Variants in SDK1 observed in about 807,000 individuals in gnomAD.
SDK1 encodes protein sidekick-1.
SDK1 carries 157 observed loss-of-function variants against 245.5 expected under a neutral mutation model. That is an observed-to-expected ratio of 0.64 (90% confidence interval 0.56 to 0.73). The LOEUF is 0.73. Ranked by LOEUF, SDK1 falls within the 30% of genes least tolerant of loss-of-function variation. The pLI, the probability that SDK1 is intolerant of heterozygous loss-of-function variation, is 0.00. For synonymous variants in SDK1, 1,647 were observed against 1,278.5 expected (o/e 1.29, Z -6.15); for missense variants, 3,583 against 3,002.3 (o/e 1.19, Z -4.52).
chr7:3,699,759 T>C (rs1784687841), intron 4 of SDK1, among the ~76,000 whole-genome samples: 1 of 152,118 alleles, frequency 6.6e-6, no homozygotes, highest in African/African-American at 2.4e-5. Flanking sequence ...AATATGGCAT[T>C]TTAAAATATG....
chr7:3,610,604 A>G (rs1781556309), intron 1 of SDK1, among the ~76,000 whole-genome samples: 1 of 152,276 alleles, frequency 6.6e-6, no homozygotes, highest in African/African-American at 2.4e-5. Context: ...TAAAACTAGT[A>G]CATAAATATA....
In SDK1 at chr7:4,011,038, C is replaced by G. The variant is rs767615079; in HGVS notation, c.2204C>G (p.Pro735Arg). 6.2e-7 allele frequency: 1 copy of G among 1,614,178 alleles called. No individual in the cohort carries two copies. Among genetic ancestry groups the G allele is most frequent in the East Asian group, 2.2e-5 (1 of 44,878 alleles). ...MTGVTVSGLT[P>R]ARTYQFRVCA... ...GGCGTCACCGTGAGTGGCCTGACTC[C>G]GGCTCGTACCTATCAATTCCGGGTG... is the stretch of plus-strand genomic sequence containing the variant. Residue 735 changes from proline to arginine, a missense_variant, in exon 15 of 45, where the codon CCG becomes CGG. Transcript: ENST00000404826.
Position 4,053,931 on chromosome 7 carries a change from G to GT in SDK1, c.2911+2109dup, listed in dbSNP as rs572690361. Among the ~76,000 whole-genome samples, 10 of 151,606 alleles carry GT rather than the reference G, an allele frequency of 6.6e-5. No individual in the cohort carries two copies. The South Asian group carries it at 1.0e-3, about 16-fold the overall frequency. ...TTTGTTGTTGTTGGTGGTGGTGGTG[G>GT]TTTTTTTTGTTGTTGTTGTTGTTTT... On this transcript the variant is annotated intron_variant, in intron 19 of 44. Coordinates refer to ENST00000404826, the MANE Select transcript of SDK1 (RefSeq NM_152744.4).
At chr7:3,623,068 A>C (rs964599067) in intron 2 of SDK1, among the ~76,000 whole-genome samples, 1 of 152,168 alleles carries the variant, frequency 6.6e-6, no homozygotes, top group East Asian at 1.9e-4. Context: ...TGAAAAAGGT[A>C]GTTGTTTCCC....
rs1056022723 is a variant in SDK1, at chr7:4,088,971, GGGAGGTGAGACCCTCCCTCAGGT to G, written c.3324+9402_3324+9424del. On this transcript the variant is annotated intron_variant, in intron 22 of 44. Transcript: ENST00000404826. Reference sequence around the variant, plus strand: ...CATCTGCACAATGAGGCCCCTCAGAGGGAGGTGAGACCCTCCCTCAGGTGGAGGTGAGACCCTTGTGGGCATCT... The same window carrying G: ...CATCTGCACAATGAGGCCCCTCAGAGGGAGGTGAGACCCTTGTGGGCATCT... 1.1e-4 allele frequency among the ~76,000 whole-genome samples: 16 copies of G among 149,944 alleles called. No homozygotes were observed. In the East Asian group the frequency reaches 2.2e-3, roughly 20 times the overall value.
chr7:3,805,618 T>G (rs75351542), intron 4 of SDK1, among the ~76,000 whole-genome samples: 1 of 152,216 alleles, frequency 6.6e-6, no homozygotes, highest in Non-Finnish European at 1.5e-5. Flanking sequence ...TGTAGACTTA[T>G]AGAGCCTTGA....
At chr7:3,615,997 A>C (rs1781758551) in intron 1 of SDK1, among the ~76,000 whole-genome samples, 1 of 151,246 alleles carries the variant, frequency 6.6e-6, no homozygotes, top group Non-Finnish European at 1.5e-5. Flanking sequence ...TAATCCCTCC[A>C]CCTCAGCTTC....
At chr7:4,082,238 T>TA (rs1455468707) in intron 22 of SDK1, among the ~76,000 whole-genome samples, 1 of 152,058 alleles carries the variant, frequency 6.6e-6, no homozygotes, top group Non-Finnish European at 1.5e-5. Flanking sequence ...CTGTATGTCT[T>TA]ACTTCAGTGA....
At chr7:4,222,396 G>C (rs1464934082) in intron 40 of SDK1, among the ~76,000 whole-genome samples, 1 of 152,140 alleles carries the variant, frequency 6.6e-6, no homozygotes. Context: ...CCGGGTTCAA[G>C]CAATTCTCCT....
intron 5 of SDK1, among the ~76,000 whole-genome samples, chr7:3,863,897 G>T (rs533743098): frequency 6.6e-6 from 1 of 152,262 alleles, no homozygotes; most frequent in Middle Eastern, 3.4e-3. Flanking sequence ...ATGAACATGG[G>T]TATACAGATA....
At chr7:3,827,100 C>G (rs1416771947) in intron 5 of SDK1, among the ~76,000 whole-genome samples, 1 of 152,160 alleles carries the variant, frequency 6.6e-6, no homozygotes, top group Non-Finnish European at 1.5e-5. Context: ...GTTGTTAAAT[C>G]TTAGGAAATC....
At chr7:3,907,278 C>T (rs893894099) in intron 5 of SDK1, among the ~76,000 whole-genome samples, 6 of 152,190 alleles carry the variant, frequency 3.9e-5, no homozygotes, top group African/African-American at 1.4e-4. Flanking sequence ...TACCTATTAA[C>T]TCCTCTATTC....
chr7:3,555,964 G>A (rs922713212), intron 1 of SDK1, among the ~76,000 whole-genome samples: 2 of 152,104 alleles, frequency 1.3e-5, no homozygotes, highest in Admixed American at 1.3e-4. Context: ...ATACACTATC[G>A]GTGGGAATGT....
chr7:4,256,249 A>T (rs1407888994), intron 44 of SDK1, among the ~76,000 whole-genome samples: 1 of 152,222 alleles, frequency 6.6e-6, no homozygotes, highest in Non-Finnish European at 1.5e-5. Flanking sequence ...TATTTATAAA[A>T]TACTTTTCAC....
At chr7:3,762,192 T>C (rs17323961) in intron 4 of SDK1, among the ~76,000 whole-genome samples, 2,647 of 152,296 alleles carry the variant, frequency 0.017, 39 homozygotes, top group Admixed American at 0.025. Flanking sequence ...TCAGCTTAGA[T>C]CCGTGGTTTC....
chr7:3,820,171 G>C (rs1779609001), intron 4 of SDK1, among the ~76,000 whole-genome samples: 1 of 151,960 alleles, frequency 6.6e-6, no homozygotes, highest in South Asian at 2.1e-4. Context: ...TCTTTTTTGA[G>C]ACAGAGTCTT....
chr7:4,015,597 C>G (rs1472167571), intron 16 of SDK1, among the ~76,000 whole-genome samples: 1 of 152,222 alleles, frequency 6.6e-6, no homozygotes, highest in African/African-American at 2.4e-5. Context: ...GATCTGAACA[C>G]CACCTGAGAA....
intron 5 of SDK1, among the ~76,000 whole-genome samples, chr7:3,871,686 T>C (rs1274019469): frequency 6.6e-6 from 1 of 152,186 alleles, no homozygotes; most frequent in East Asian, 1.9e-4. Flanking sequence ...CCAGACTCCC[T>C]TTAACAATCA....
intron 22 of SDK1, among the ~76,000 whole-genome samples, chr7:4,091,352 T>TTTG (rs1781789225): frequency 6.9e-6 from 1 of 144,364 alleles, no homozygotes; most frequent in Admixed American, 6.9e-5. Flanking sequence ...TTTTTTTTTT[T>TTTG]TTTTGTTTGA....
Sources: gnomAD v4.1 joint callset for allele counts (sites outside exome capture counted in the v4.1 genomes callset) on GRCh38, gnomAD v4.1.1 for gene constraint, MANE v1.5 for transcripts, NCBI Gene and HGNC (gene_info 2026-07-23, HGNC 2026-07-21) for gene names.